The following SMYD3 variants were observed in gnomAD, a reference collection of about 807,000 sequenced individuals.
The protein encoded by SMYD3 is histone-lysine N-methyltransferase SMYD3.
In SMYD3, 36 loss-of-function variants were observed where a neutral mutation model predicts 57.7. That is an observed-to-expected ratio of 0.62 (90% CI 0.48 to 0.82). SMYD3 has a LOEUF of 0.82. Among genes scored for constraint, SMYD3 ranks in the 40% least tolerant of loss-of-function variants. SMYD3 has a pLI of 0.00. For missense variants in SMYD3, 515 were observed against 538.8 expected, an observed-to-expected ratio of 0.96 and a Z score of 0.44; for synonymous variants, 211 against 195.0, an observed-to-expected ratio of 1.08 and a Z score of -0.68.
chr1:245,984,975 T>C (rs890800165), intron 5 of SMYD3, among the ~76,000 whole-genome samples: 1 of 152,106 alleles, frequency 6.6e-6, no homozygotes, highest in Non-Finnish European at 1.5e-5. Flanking sequence ...CGACCCCACA[T>C]GAACTTAACA....
chr1:246,500,904 A>G (rs1185198195), intron 1 of SMYD3, among the ~76,000 whole-genome samples: 1 of 152,244 alleles, frequency 6.6e-6, no homozygotes, highest in Non-Finnish European at 1.5e-5. Context: ...AGGAAGCAGT[A>G]GAAGAAACAG....
intron 5 of SMYD3, among the ~76,000 whole-genome samples, chr1:246,110,677 C>T (rs1418723972): frequency 6.6e-6 from 1 of 152,226 alleles, no homozygotes; most frequent in Non-Finnish European, 1.5e-5. Flanking sequence ...GGCAATTATA[C>T]CTTTTAAAGA....
intron 5 of SMYD3, among the ~76,000 whole-genome samples, chr1:246,240,522 C>T (rs1241260907): frequency 2.0e-5 from 3 of 152,024 alleles, no homozygotes; most frequent in East Asian, 1.9e-4. Flanking sequence ...AGTCAGGTAG[C>T]ATGATGCCTC....
chr1:245,755,352 T>C (rs2045562836), intron 11 of SMYD3, among the ~76,000 whole-genome samples: 1 of 152,246 alleles, frequency 6.6e-6, no homozygotes, highest in Non-Finnish European at 1.5e-5. Context: ...CTTAAAAATG[T>C]GCATTCTGTT....
At chr1:246,321,904 C>T (rs1278454269) in intron 5 of SMYD3, 33 of 147,134 alleles carry the variant, frequency 2.2e-4, no homozygotes. Flanking sequence ...GTGTACCACC[C>T]TGCTCTCAGC....
At chr1:246,130,331 C>T (rs904562197) in intron 5 of SMYD3, among the ~76,000 whole-genome samples, 5 of 152,120 alleles carry the variant, frequency 3.3e-5, no homozygotes, top group Admixed American at 6.5e-5. Context: ...CACTTGAGCT[C>T]CCATTTATAA....
intron 5 of SMYD3, among the ~76,000 whole-genome samples, chr1:246,253,618 C>G (rs373408106): frequency 1.3e-5 from 2 of 152,080 alleles, no homozygotes; most frequent in Admixed American, 6.6e-5. Context: ...TACTTGTTTG[C>G]GTCATTTCTG....
At position 245,913,034 on chromosome 1, in the gene SMYD3, G is replaced by A. The variant is rs1051491490; in HGVS notation, c.813+2496C>T. 2.6e-5 allele frequency among the ~76,000 whole-genome samples: 4 copies of A among 152,084 alleles called. No individual in the cohort carries two copies. The East Asian group carries it at 5.8e-4, about 22-fold the overall frequency. On this transcript the variant is annotated intron_variant, in intron 8 of 11. Coordinates refer to ENST00000490107, the MANE Select transcript of SMYD3 (RefSeq NM_001167740.2). Reference sequence around the variant, plus strand: ...TGGGTATATACCCAAAGGATTATAAGTCATGCTGCTATAAAGACACATGCA... The same window carrying A: ...TGGGTATATACCCAAAGGATTATAAATCATGCTGCTATAAAGACACATGCA...
chr1:246,118,692 C>T (rs1417257457), intron 5 of SMYD3, among the ~76,000 whole-genome samples: 2 of 152,080 alleles, frequency 1.3e-5, no homozygotes, highest in African/African-American at 4.8e-5. Flanking sequence ...GCCAGCTAGT[C>T]TGAAATACCC....
chr1:245,883,326 A>G (rs1422137425), intron 8 of SMYD3, among the ~76,000 whole-genome samples: 3 of 152,208 alleles, frequency 2.0e-5, no homozygotes, highest in African/African-American at 7.2e-5. Flanking sequence ...GACGGAAGAC[A>G]TACTCTAAAT....
chr1:245,986,857 A>G (rs1218496911), intron 5 of SMYD3, among the ~76,000 whole-genome samples: 1 of 152,250 alleles, frequency 6.6e-6, no homozygotes, highest in Non-Finnish European at 1.5e-5. Flanking sequence ...TTTTTAAAGA[A>G]AACTGGTATA....
intron 5 of SMYD3, among the ~76,000 whole-genome samples, chr1:246,122,138 G>A (rs1159432230): frequency 6.6e-6 from 1 of 152,106 alleles, no homozygotes; most frequent in Non-Finnish European, 1.5e-5. Flanking sequence ...GGCCAGGAAA[G>A]GTAGCTCATG....
At chr1:245,936,863 A>T (rs1032691789) in intron 5 of SMYD3, among the ~76,000 whole-genome samples, 26 of 152,330 alleles carry the variant, frequency 1.7e-4, no homozygotes, top group African/African-American at 5.8e-4. Context: ...ACAAAAAAAA[A>T]TGTTGTGGTA....
chr1:246,114,338 T>C (rs2061306678), intron 5 of SMYD3, among the ~76,000 whole-genome samples: 1 of 152,060 alleles, frequency 6.6e-6, no homozygotes, highest in Non-Finnish European at 1.5e-5. Flanking sequence ...CAGACCACAA[T>C]GAAGGTAGGT....
At chr1:245,923,200 G>C (rs2056109822) in intron 7 of SMYD3, among the ~76,000 whole-genome samples, 1 of 152,064 alleles carries the variant, frequency 6.6e-6, no homozygotes, top group South Asian at 2.1e-4. Flanking sequence ...CTAACTCAGG[G>C]GTTAGAATTG....
intron 8 of SMYD3, among the ~76,000 whole-genome samples, chr1:245,884,651 G>A (rs1429499165): frequency 6.6e-6 from 1 of 152,202 alleles, no homozygotes; most frequent in African/African-American, 2.4e-5. Context: ...GTGCCACTGA[G>A]AGGTAAAGCC....
intron 5 of SMYD3, among the ~76,000 whole-genome samples, chr1:245,943,672 A>G (rs1283837854): frequency 6.6e-6 from 1 of 152,208 alleles, no homozygotes; most frequent in Non-Finnish European, 1.5e-5. Context: ...TGGCAGAGGT[A>G]CAACAAAAAA....
At chr1:246,211,210 A>T (rs2063081578) in intron 5 of SMYD3, among the ~76,000 whole-genome samples, 3 of 152,288 alleles carry the variant, frequency 2.0e-5, no homozygotes, top group Middle Eastern at 6.8e-3. Flanking sequence ...GATTTGTTTG[A>T]TGAAGAAAAA....
At chr1:245,952,212 G>C (rs1293852135) in intron 5 of SMYD3, among the ~76,000 whole-genome samples, 1 of 152,122 alleles carries the variant, frequency 6.6e-6, no homozygotes, top group Non-Finnish European at 1.5e-5. Context: ...AAACTTGTTT[G>C]AAGGGGAAAA....
Sources: allele counts gnomAD v4.1 joint callset (sites outside exome capture counted in the v4.1 genomes callset), GRCh38; gene constraint gnomAD v4.1.1; transcripts MANE v1.5; gene names NCBI Gene and HGNC (gene_info 2026-07-23, HGNC 2026-07-21).